Variants in APP observed in about 807,000 individuals in gnomAD.
APP encodes the protein amyloid beta precursor protein, also known as amyloid-beta precursor protein.
APP carries 31 observed loss-of-function variants against 101.4 expected under a neutral mutation model. The observed-to-expected ratio is 0.31, with a 90% confidence interval of 0.23 to 0.41. APP has a LOEUF of 0.41. APP is among the 10% of genes least tolerant of loss of function. The pLI is 1.00. For synonymous variants in APP, 366 were observed against 364.4 expected, an observed-to-expected ratio of 1.00 and a Z score of -0.05; for missense variants, 839 against 1,003.7, an observed-to-expected ratio of 0.84 and a Z score of 2.22.
At chr21:26,009,332 C>G (rs2043676864) in intron 6 of APP, among the ~76,000 whole-genome samples, 1 of 152,144 alleles carries the variant, frequency 6.6e-6, no homozygotes, top group South Asian at 2.1e-4. Flanking sequence ...TTATTTTACT[C>G]TGAAGTTCTG....
At chr21:25,982,644 TGTGCAGCACA>T (rs1287848215) in intron 8 of APP, among the ~76,000 whole-genome samples, 167 bp from the exon 9 acceptor site, 1 of 152,140 alleles carries the variant, frequency 6.6e-6, no homozygotes, top group South Asian at 2.1e-4. Flanking sequence ...CATGAGACAC[TGTGCAGCACA>T]GTAAGGATGT....
chr21:26,110,208 G>A lies in APP; in HGVS notation c.225+1771C>T, dbSNP rs376933598. Among the ~76,000 whole-genome samples, 15 of 152,302 alleles carry A rather than the reference G, an allele frequency of 9.8e-5. No individual in the cohort carries two copies. In the East Asian group the frequency reaches 2.5e-3, roughly 25 times the overall value. ...GGCTATAATCCCAGCACTTTGGGAG[G>A]CTGACATGGGTGGATCACAATGTCA... On this transcript the variant is annotated intron_variant, in intron 2 of 17. Coordinates refer to ENST00000346798, the MANE Select transcript of APP (RefSeq NM_000484.4).
At chr21:26,033,543 G>A (rs949760407) in intron 5 of APP, among the ~76,000 whole-genome samples, 3 of 152,178 alleles carry the variant, frequency 2.0e-5, no homozygotes, top group Non-Finnish European at 4.4e-5. Context: ...GGTGGAGGAG[G>A]GGGTGGACTG....
intron 5 of APP, among the ~76,000 whole-genome samples, chr21:26,045,464 CAT>C (rs2045569083): frequency 2.0e-5 from 3 of 152,192 alleles, no homozygotes; most frequent in South Asian, 4.1e-4. Context: ...ACAGAATAAA[CAT>C]GTGGGTTTAC....
In APP at chr21:25,881,288, T is replaced by C. The variant is rs2036968821; in HGVS notation, c.*382A>G. The C allele has an allele frequency of 3.6e-6, 1 of 279,848 alleles. No individual in the cohort carries two copies. The highest frequency in any genetic ancestry group is 6.9e-6 in the Non-Finnish European group (1 of 144,310). 17.3% of individuals were successfully genotyped at this position (279,848 alleles called of 1,614,324 possible). A position where few individuals can be genotyped will look rare whatever the true frequency, so the allele number is the denominator to read the frequency against. ...CACATGAAGCATCCCCCATCGATTCTTAAAGCATATGTAAAGTAGGACTTA... is the reference window on the plus strand; with the variant it reads ...CACATGAAGCATCCCCCATCGATTCCTAAAGCATATGTAAAGTAGGACTTA... On this transcript the variant is annotated 3_prime_UTR_variant, in exon 18 of 18. Transcript: ENST00000346798.
chr21:26,069,908 TAAC>T lies in APP; in HGVS notation c.356-16563_356-16561del, dbSNP rs1568936042. ...TTAACAAAAGAGTTAACAATATTGT[TAAC>T]AATAACAAGAGTTAGCCATGAAGTA... On this transcript the variant is annotated intron_variant, in intron 3 of 17. Coordinates refer to ENST00000346798, the MANE Select transcript of APP (RefSeq NM_000484.4). 2.6e-5 allele frequency among the ~76,000 whole-genome samples: 4 copies of T among 152,308 alleles called. No individual in the cohort carries two copies. The South Asian group carries it at 8.3e-4, about 32-fold the overall frequency.
intron 3 of APP, chr21:26,053,596 A>C (rs1241411026): frequency 2.6e-6 from 1 of 382,502 alleles, no homozygotes; most frequent in Non-Finnish European, 4.9e-6. Flanking sequence ...TCCCTTAATT[A>C]ATCTGAATTT....
chr21:26,002,750 T>C (rs2043353359), intron 6 of APP, among the ~76,000 whole-genome samples: 1 of 152,216 alleles, frequency 6.6e-6, no homozygotes, highest in South Asian at 2.1e-4. Context: ...TGGCAATTTA[T>C]GCTGACCCTC....
intron 1 of APP, among the ~76,000 whole-genome samples, chr21:26,155,649 C>T (rs765121873): frequency 2.6e-5 from 4 of 152,110 alleles, no homozygotes; most frequent in African/African-American, 4.8e-5. Context: ...CTTTTGTTTT[C>T]TTATTTTGTG....
Position 25,881,639 on chromosome 21 carries a change from G to T in APP, c.*31C>A. ...TGGGTAGTGAAGCAATGGTTTTGCT[G>T]TCCAACTTCAGAGGCTGCTGTGGCG... On this transcript the variant is annotated 3_prime_UTR_variant, in exon 18 of 18. Transcript: ENST00000346798. The T allele has an allele frequency of 6.2e-7, 1 of 1,603,384 alleles. No individual in the cohort carries two copies. Among genetic ancestry groups the T allele is most frequent in the East Asian group, 2.2e-5 (1 of 44,828 alleles).
At chr21:25,936,196 G>T (rs929373976) in intron 13 of APP, among the ~76,000 whole-genome samples, 2 of 152,146 alleles carry the variant, frequency 1.3e-5, no homozygotes, top group Non-Finnish European at 2.9e-5. Context: ...CCTTTAAAGA[G>T]ATAATTAAGG....
Position 26,138,694 on chromosome 21 carries a change from G to GAAAACAAAAC in APP, c.58-26558_58-26549dup, listed in dbSNP as rs151222318. 7.4e-3 allele frequency among the ~76,000 whole-genome samples: 1,109 copies of GAAAACAAAAC among 150,276 alleles called. 11 individuals carry two copies. The highest frequency in any genetic ancestry group is 0.025 in the African/African-American group (1,004 of 40,438). On this transcript the variant is annotated intron_variant, in intron 1 of 17. Coordinates refer to ENST00000346798, the MANE Select transcript of APP (RefSeq NM_000484.4). ...GGTGACAGAGAGATAGCCTGTCTCA[G>GAAAACAAAAC]AAAACAAAACAAAACAAAACAAAAC...
rs141696415 is a variant in APP, at chr21:26,139,498, C to T, written c.58-27352G>A. On this transcript the variant is annotated intron_variant, in intron 1 of 17. Coordinates refer to ENST00000346798, the MANE Select transcript of APP (RefSeq NM_000484.4). ...GATCTCTGGGCCCACTCCCAGAAAA[C>T]GGTTTGAGAACTATGTGTTTATACT... 3.5e-4 allele frequency among the ~76,000 whole-genome samples: 54 copies of T among 152,300 alleles called. No individual in the cohort carries two copies. The East Asian group carries it at 0.01, about 28-fold the overall frequency.
chr21:25,950,155 G>A (rs762637859), intron 13 of APP, among the ~76,000 whole-genome samples: 1 of 152,046 alleles, frequency 6.6e-6, no homozygotes, highest in African/African-American at 2.4e-5. Flanking sequence ...TCTATATGGC[G>A]GTCCTGTACC....
At chr21:25,904,302 C>T (rs184121939) in intron 15 of APP, among the ~76,000 whole-genome samples, 14 of 152,186 alleles carry the variant, frequency 9.2e-5, no homozygotes, top group African/African-American at 2.9e-4. Context: ...TGTGCTATGA[C>T]ATTATTCATA....
intron 14 of APP, among the ~76,000 whole-genome samples, chr21:25,909,039 G>A (rs568146850): frequency 9.9e-5 from 15 of 152,034 alleles, no homozygotes; most frequent in African/African-American, 1.4e-4. Flanking sequence ...TGAGGCGGGC[G>A]GATCACGAGG....
chr21:25,957,594 G>A (rs2041379217), intron 11 of APP, among the ~76,000 whole-genome samples: 1 of 151,858 alleles, frequency 6.6e-6, no homozygotes, highest in African/African-American at 2.4e-5. Context: ...GTTCCTTCCT[G>A]GCCTTCATGG....
intron 7 of APP, among the ~76,000 whole-genome samples, chr21:25,998,784 A>G (rs2043157032): frequency 6.6e-6 from 1 of 152,034 alleles, no homozygotes; most frequent in Non-Finnish European, 1.5e-5. Flanking sequence ...CTCATGAACA[A>G]CAACAACAAA....
chr21:26,128,983 G>C (rs1202937078), intron 1 of APP, among the ~76,000 whole-genome samples: 1 of 152,132 alleles, frequency 6.6e-6, no homozygotes, highest in African/African-American at 2.4e-5. Flanking sequence ...CAGAAATGAT[G>C]ATTATAATAA....
Sources: gnomAD v4.1 joint callset for allele counts (sites outside exome capture counted in the v4.1 genomes callset) on GRCh38, gnomAD v4.1.1 for gene constraint, MANE v1.5 for transcripts, NCBI Gene and HGNC (gene_info 2026-07-23, HGNC 2026-07-21) for gene names.